OSBP2: variants seen among roughly 807,000 people sequenced by gnomAD.
OSBP2 encodes oxysterol binding protein 2, also known as oxysterol-binding protein 2.
In OSBP2, 66 loss-of-function variants were observed where a neutral mutation model predicts 96.0. The ratio of observed to expected loss-of-function variants is 0.69; its 90% CI spans 0.56 to 0.84. The LOEUF (loss-of-function observed/expected upper bound fraction) is 0.84, where lower values mean the gene tolerates loss of function less well. Ranked by LOEUF, OSBP2 falls within the 40% of genes least tolerant of loss-of-function variation. OSBP2 has a pLI of 0.00. For missense variants in OSBP2, 1,038 were observed against 1,222.7 expected, an observed-to-expected ratio of 0.85 and a Z score of 2.25; for synonymous variants, 525 against 520.9, an observed-to-expected ratio of 1.01 and a Z score of -0.11.
chr22:30,764,849 G>C (rs1482419103), intron 2 of OSBP2, among the ~76,000 whole-genome samples: 2 of 152,110 alleles, frequency 1.3e-5, no homozygotes. Context: ...ACTCTCTTAT[G>C]AACTCACTTG....
At chr22:30,860,598 A>C (rs962604275) in intron 2 of OSBP2, among the ~76,000 whole-genome samples, 1 of 152,224 alleles carries the variant, frequency 6.6e-6, no homozygotes, top group Non-Finnish European at 1.5e-5. Context: ...GCTGGGCTCA[A>C]GAACAGCCCT....
chr22:30,738,279 T>C (rs1248380085), intron 1 of OSBP2, among the ~76,000 whole-genome samples: 13 of 152,098 alleles, frequency 8.5e-5, no homozygotes, highest in Non-Finnish European at 1.5e-4. Context: ...CATCCCCCTC[T>C]TATTTCTGAG....
At chr22:30,701,639 A>G (rs932977208) in intron 1 of OSBP2, among the ~76,000 whole-genome samples, 1 of 152,138 alleles carries the variant, frequency 6.6e-6, no homozygotes, top group African/African-American at 2.4e-5. Flanking sequence ...CACCACGCCC[A>G]GCCTTCAATG....
chr22:30,723,307 A>G (rs1373224115), intron 1 of OSBP2, among the ~76,000 whole-genome samples: 1 of 151,482 alleles, frequency 6.6e-6, no homozygotes, highest in Non-Finnish European at 1.5e-5. Context: ...GGGTTTCACC[A>G]TATTGGTCAG....
intron 2 of OSBP2, among the ~76,000 whole-genome samples, chr22:30,869,907 CAG>C (rs935048931): frequency 2.0e-5 from 3 of 152,192 alleles, no homozygotes; most frequent in Admixed American, 6.5e-5. Context: ...TTGCAGGGAA[CAG>C]GGGACAGATT....
chr22:30,717,387 T>A (rs1305618827), intron 1 of OSBP2, among the ~76,000 whole-genome samples: 1 of 152,234 alleles, frequency 6.6e-6, no homozygotes, highest in Non-Finnish European at 1.5e-5. Context: ...CTGAGTCATC[T>A]TGGCATCCTT....
intron 2 of OSBP2, among the ~76,000 whole-genome samples, chr22:30,778,345 C>T (rs34496647): frequency 7.6e-5 from 11 of 144,504 alleles, no homozygotes; most frequent in South Asian, 6.5e-4. Flanking sequence ...CCACTGACAG[C>T]GCTGTGGCCA....
rs546901270 is a variant in OSBP2 at position 30,870,579 on chromosome 22, C to T, written c.1004C>T (p.Thr335Ile). Residue 335 changes from threonine (T) to isoleucine (I), a missense_variant, in exon 3 of 14, where the codon ACA becomes ATA. Physicochemically the swap from Thr to Ile is moderately conservative, Grantham distance 89. Coordinates refer to ENST00000332585, the MANE Select transcript of OSBP2 (RefSeq NM_030758.4). This position sits in a 1 kb window ranked among gnomAD's most constrained non-coding sequence, Gnocchi z 4.1. ...GGCGCTGCACTCCAGCGCTCCCTGA[C>T]AGAGCTGGACGGCCTCAAGATCCCA... ...KHGAALQRSL[T>I]ELDGLKIPSE... The T allele has an allele frequency of 2.5e-6, 4 of 1,613,996 alleles. No homozygotes were observed. In the South Asian group the frequency reaches 4.4e-5, roughly 18 times the overall value.
chr22:30,783,510 C>G (rs1342344516), intron 2 of OSBP2, among the ~76,000 whole-genome samples: 1 of 151,434 alleles, frequency 6.6e-6, no homozygotes, highest in African/African-American at 2.4e-5. Context: ...TTAGTTGAGA[C>G]GGGGTTTCAC....
At chr22:30,730,314 A>C (rs1055016608) in intron 1 of OSBP2, among the ~76,000 whole-genome samples, 7 of 152,170 alleles carry the variant, frequency 4.6e-5, no homozygotes, top group Non-Finnish European at 1.0e-4. Context: ...TATAACATAC[A>C]TGCAGAAAAA....
chr22:30,712,694 A>G (rs2089373229), intron 1 of OSBP2, among the ~76,000 whole-genome samples: 3 of 152,214 alleles, frequency 2.0e-5, no homozygotes, highest in Admixed American at 1.3e-4. Context: ...CAGAAAGTGT[A>G]GTTGCTTTGT....
intron 2 of OSBP2, among the ~76,000 whole-genome samples, chr22:30,780,827 T>C (rs994464983): frequency 6.6e-6 from 1 of 152,086 alleles, no homozygotes; most frequent in Non-Finnish European, 1.5e-5. Flanking sequence ...TTGAACTCCT[T>C]TGGCATTTGT....
intron 2 of OSBP2, among the ~76,000 whole-genome samples, chr22:30,836,601 A>G (rs898041536): frequency 7.9e-5 from 12 of 152,198 alleles, no homozygotes; most frequent in African/African-American, 2.9e-4. Flanking sequence ...ATTTCGGGAA[A>G]GGTAATTCAA....
chr22:30,873,392 G>A (rs1314204878), intron 3 of OSBP2, among the ~76,000 whole-genome samples: 7 of 152,138 alleles, frequency 4.6e-5, no homozygotes, highest in Non-Finnish European at 4.4e-5. Flanking sequence ...TCCCTGGAGT[G>A]TCTTACCTTT....
intron 1 of OSBP2, among the ~76,000 whole-genome samples, chr22:30,710,078 GT>G (rs2089323403): frequency 6.6e-6 from 1 of 151,982 alleles, no homozygotes; most frequent in Admixed American, 6.6e-5. Context: ...TAGAGACAGG[GT>G]TTCACCATGT....
At chr22:30,713,172 G>A (rs1167994574) in intron 1 of OSBP2, among the ~76,000 whole-genome samples, 1 of 150,920 alleles carries the variant, frequency 6.6e-6, no homozygotes, top group Admixed American at 6.6e-5. Flanking sequence ...TCCGCCTCCT[G>A]GGTTCACGCC....
chr22:30,891,580 G>C (rs368433541), intron 8 of OSBP2, among the ~76,000 whole-genome samples: 1 of 152,208 alleles, frequency 6.6e-6, no homozygotes, highest in Non-Finnish European at 1.5e-5. Context: ...AGTTGAAGAG[G>C]CTGCAGCTGC....
At chr22:30,711,908 G>A (rs968808335) in intron 1 of OSBP2, among the ~76,000 whole-genome samples, 1 of 152,068 alleles carries the variant, frequency 6.6e-6, no homozygotes, top group African/African-American at 2.4e-5. Flanking sequence ...TGATGACATA[G>A]GTCTCTGGAG....
At chr22:30,759,620 C>G (rs1193943875) in intron 2 of OSBP2, among the ~76,000 whole-genome samples, 1 of 152,088 alleles carries the variant, frequency 6.6e-6, no homozygotes, top group African/African-American at 2.4e-5. Flanking sequence ...TGAAATGAAC[C>G]AATTCTTCAA....
Sources: gnomAD v4.1 joint callset for allele counts (sites outside exome capture counted in the v4.1 genomes callset) on GRCh38, gnomAD v4.1.1 for gene constraint, Gnocchi (gnomAD v3.1) non-coding constraint, MANE v1.5 for transcripts, NCBI Gene and HGNC (gene_info 2026-07-23, HGNC 2026-07-21) for gene names.